NPAS3: variants seen among roughly 807,000 people sequenced by gnomAD.
The protein encoded by NPAS3 is neuronal PAS domain-containing protein 3.
In NPAS3, 14 loss-of-function variants were observed where a neutral mutation model predicts 73.1. The ratio of observed to expected loss-of-function variants is 0.19; its 90% CI spans 0.13 to 0.30. The LOEUF (loss-of-function observed/expected upper bound fraction) is 0.30, where lower values mean the gene tolerates loss of function less well. Among genes scored for constraint, NPAS3 ranks in the 10% least tolerant of loss-of-function variants. The pLI is 1.00. For synonymous variants in NPAS3, 620 were observed against 541.5 expected (o/e 1.14, Z -2.01); for missense variants, 1,096 against 1,250.0 (o/e 0.88, Z 1.86).
chr14:33,253,234 T>C (rs1407828431), intron 3 of NPAS3, among the ~76,000 whole-genome samples: 1 of 152,122 alleles, frequency 6.6e-6, no homozygotes, highest in African/African-American at 2.4e-5. Flanking sequence ...ATTTACATTC[T>C]CAACAGTGTA....
chr14:33,479,119 C>T (rs2051187113), intron 4 of NPAS3, among the ~76,000 whole-genome samples: 1 of 152,156 alleles, frequency 6.6e-6, no homozygotes, highest in African/African-American at 2.4e-5. Context: ...TAAAGCACGA[C>T]ATTATTGTTA....
intron 5 of NPAS3, among the ~76,000 whole-genome samples, chr14:33,630,935 C>T (rs181064826): frequency 7.4e-4 from 112 of 152,210 alleles, no homozygotes; most frequent in Non-Finnish European, 1.1e-3. Flanking sequence ...AGAAGATAAG[C>T]GAAGCCAGCT....
intron 5 of NPAS3, among the ~76,000 whole-genome samples, chr14:33,588,348 C>T (rs560858781): frequency 7.2e-5 from 11 of 152,234 alleles, no homozygotes; most frequent in South Asian, 2.1e-4. Flanking sequence ...AAATATCCTT[C>T]GGCAGTCATA....
intron 4 of NPAS3, among the ~76,000 whole-genome samples, chr14:33,415,294 T>C (rs28382314): frequency 0.018 from 2,693 of 152,288 alleles, 76 homozygotes; most frequent in African/African-American, 0.062. Context: ...CTTTTTTCTC[T>C]TTCTGTTATT....
intron 4 of NPAS3, among the ~76,000 whole-genome samples, chr14:33,377,588 A>G (rs1462877736): frequency 6.6e-6 from 1 of 152,228 alleles, no homozygotes; most frequent in African/African-American, 2.4e-5. Context: ...ATGTCTCTAT[A>G]TGGCAGATAC....
At chr14:33,618,347 A>T (rs1239992367) in intron 5 of NPAS3, among the ~76,000 whole-genome samples, 1 of 151,236 alleles carries the variant, frequency 6.6e-6, no homozygotes, top group Admixed American at 6.6e-5. Context: ...AATCAGTGGG[A>T]GCCCTCAGCT....
chr14:33,334,722 T>G (rs74042047), intron 3 of NPAS3, among the ~76,000 whole-genome samples: 3,631 of 152,258 alleles, frequency 0.024, 138 homozygotes, highest in African/African-American at 0.082. Context: ...AGTAGAATTT[T>G]GGGGAACCAG....
intron 5 of NPAS3, among the ~76,000 whole-genome samples, chr14:33,621,841 T>G (rs2058084205): frequency 6.6e-6 from 1 of 151,998 alleles, no homozygotes; most frequent in South Asian, 2.1e-4. Flanking sequence ...GTTTTAGAAA[T>G]GAAGAAACTC....
At chr14:33,795,230 A>G (rs1016798355) in intron 10 of NPAS3, among the ~76,000 whole-genome samples, 1 of 152,148 alleles carries the variant, frequency 6.6e-6, no homozygotes, top group African/African-American at 2.4e-5. Flanking sequence ...CACCACTTAA[A>G]AGAGTCTTCA....
intron 5 of NPAS3, among the ~76,000 whole-genome samples, chr14:33,664,949 C>A (rs968533065): frequency 6.6e-6 from 1 of 151,982 alleles, no homozygotes; most frequent in Non-Finnish European, 1.5e-5. Flanking sequence ...GACAGTGTGG[C>A]GATTCCTCAA....
intron 5 of NPAS3, among the ~76,000 whole-genome samples, chr14:33,615,185 C>T (rs900780234): frequency 1.3e-5 from 2 of 152,144 alleles, no homozygotes; most frequent in African/African-American, 4.8e-5. Context: ...CAGTGTATAT[C>T]TGGAACTGAC....
chr14:33,772,273 G>A lies in NPAS3; in HGVS notation c.853-2064G>A, dbSNP rs529366144. Among the ~76,000 whole-genome samples, 3 of 152,298 alleles carry A rather than the reference G, an allele frequency of 2.0e-5. No homozygotes were observed. In the East Asian group the frequency reaches 5.8e-4, roughly 29 times the overall value. ...AGAGAGGCTGCGTGACTTGCCCGTG[G>A]TAACGGAATCAGAAAATTGCGAGTC... On this transcript the variant is annotated intron_variant, in intron 7 of 11. Coordinates refer to ENST00000356141, the Ensembl canonical transcript of NPAS3.
chr14:33,748,718 CAATTGACTTTGATGTTCATTCG>C (rs2061875700), intron 7 of NPAS3, among the ~76,000 whole-genome samples: 1 of 152,166 alleles, frequency 6.6e-6, no homozygotes, highest in Non-Finnish European at 1.5e-5. Context: ...ACAAAGCGAA[CAATTGACTTTGATGTTCATTCG>C]TCATTGATGG....
At chr14:33,636,227 A>T (rs2140157783) in intron 5 of NPAS3, among the ~76,000 whole-genome samples, 1 of 152,234 alleles carries the variant, frequency 6.6e-6, no homozygotes, top group East Asian at 1.9e-4. Context: ...GCCCTAACTT[A>T]CTTTTTATTC....
chr14:33,414,854 G>A (rs751708539), intron 4 of NPAS3, among the ~76,000 whole-genome samples: 2 of 152,098 alleles, frequency 1.3e-5, no homozygotes, highest in Non-Finnish European at 2.9e-5. Context: ...TTTAAACAAT[G>A]AAGGTAGTGC....
At chr14:33,091,781 G>T (rs1223557661) in intron 2 of NPAS3, among the ~76,000 whole-genome samples, 1 of 152,148 alleles carries the variant, frequency 6.6e-6, no homozygotes, top group Non-Finnish European at 1.5e-5. Flanking sequence ...CCGTGATCAA[G>T]TGGGCTTCAT....
intron 4 of NPAS3, among the ~76,000 whole-genome samples, chr14:33,433,499 T>C (rs1005022159): frequency 6.6e-5 from 10 of 152,202 alleles, no homozygotes; most frequent in Non-Finnish European, 1.0e-4. Context: ...TAATGACATA[T>C]GTCAAGTGGC....
At chr14:33,735,474 T>C in intron 7 of NPAS3, 142 bp downstream of exon 7, 1 of 666,790 alleles carries the variant, frequency 1.5e-6, no homozygotes, top group Non-Finnish European at 2.7e-6. Context: ...CATCTTCCTG[T>C]CTCAAGGCAG....
chr14:33,689,687 G>A (rs1410523313), intron 6 of NPAS3, among the ~76,000 whole-genome samples: 2 of 152,124 alleles, frequency 1.3e-5, no homozygotes, highest in South Asian at 4.1e-4. Context: ...ATACTCTTCT[G>A]GAAACTGATA....
Sources: gnomAD v4.1 joint callset for allele counts (sites outside exome capture counted in the v4.1 genomes callset) on GRCh38, gnomAD v4.1.1 for gene constraint, MANE v1.5 for transcripts, NCBI Gene and HGNC (gene_info 2026-07-23, HGNC 2026-07-21) for gene names.